The following DTHD1 variants were observed in gnomAD, a reference collection of about 807,000 sequenced individuals.
DTHD1 encodes the protein death domain containing 1.
Under a neutral mutation model 74.8 loss-of-function variants are expected in DTHD1, and 59 were observed. That is an observed-to-expected ratio of 0.79 (90% CI 0.64 to 0.98). The LOEUF (loss-of-function observed/expected upper bound fraction) is 0.98. Among genes scored for constraint, DTHD1 ranks in the 50% least tolerant of loss-of-function variants. The pLI, the probability that DTHD1 is intolerant of heterozygous loss-of-function variation, is 0.00. For synonymous variants in DTHD1, 365 were observed against 371.1 expected (o/e 0.98, Z 0.19); for missense variants, 1,051 against 1,065.4 (o/e 0.99, Z 0.19).
chr4:36,297,558 A>C (rs1339192706), intron 5 of DTHD1, among the ~76,000 whole-genome samples: 3 of 152,046 alleles, frequency 2.0e-5, no homozygotes, highest in Non-Finnish European at 2.9e-5. Context: ...TATTTTCTTG[A>C]GCCAACAAGC....
At chr4:36,315,232 T>C (rs754065410) in intron 7 of DTHD1, among the ~76,000 whole-genome samples, 1 of 152,144 alleles carries the variant, frequency 6.6e-6, no homozygotes, top group Non-Finnish European at 1.5e-5. Flanking sequence ...CCCCAGTAAG[T>C]GAAAGGTTAT....
chr4:36,283,564 C>T (rs1305782073), intron 1 of DTHD1, among the ~76,000 whole-genome samples: 2 of 152,132 alleles, frequency 1.3e-5, no homozygotes, highest in East Asian at 3.8e-4. Context: ...ATTTTCAGCC[C>T]AGCATTTTAA....
chr4:36,301,581 C>A (rs571472357), intron 5 of DTHD1, among the ~76,000 whole-genome samples: 1 of 152,250 alleles, frequency 6.6e-6, no homozygotes, highest in African/African-American at 2.4e-5. Flanking sequence ...TGTCTGTTTG[C>A]CCCATTAACA....
chr4:36,342,091 G>A (rs553973090), intron 9 of DTHD1, among the ~76,000 whole-genome samples: 4 of 152,296 alleles, frequency 2.6e-5, no homozygotes, highest in Admixed American at 6.5e-5. Context: ...AACTGGGGTC[G>A]GAGGTGTGAA....
Position 36,311,607 on chromosome 4 carries a change from ATCC to A in DTHD1, c.2095+3119_2095+3121del, listed in dbSNP as rs1578464099. ...TAATAGTTCTATTATACTTTTGCAGATCCTCCTTTTTTCATTTGTGGCCTTTGT... is the reference window on the plus strand; with the variant it reads ...TAATAGTTCTATTATACTTTTGCAGATCCTTTTTTCATTTGTGGCCTTTGT... On this transcript the variant is annotated intron_variant, in intron 7 of 9. Coordinates refer to ENST00000639862, the MANE Select transcript of DTHD1 (RefSeq NM_001170700.3). The A allele has an allele frequency of 2.6e-5, 4 of 151,994 alleles. No individual in the cohort carries two copies. The East Asian group carries it at 7.7e-4, about 29-fold the overall frequency. 9.4% of individuals were successfully genotyped at this position (151,994 alleles called of 1,614,324 possible).
At chr4:36,293,086 T>A (rs934406139) in intron 3 of DTHD1, among the ~76,000 whole-genome samples, 1 of 152,216 alleles carries the variant, frequency 6.6e-6, no homozygotes, top group Non-Finnish European at 1.5e-5. Context: ...GCACAGGTGT[T>A]ACAGTGTTTG....
chr4:36,343,663 T>C lies in DTHD1; in HGVS notation c.2560T>C (p.Phe854Leu), dbSNP rs1421304899. 4 of 1,551,844 alleles carry C rather than the reference T, an allele frequency of 2.6e-6. No individual in the cohort carries two copies. The highest frequency in any genetic ancestry group is 3.5e-6 in the Non-Finnish European group (4 of 1,146,968). ...LTEQIHEFLC[F>L]WKKSLPTFTD... is the part of the protein sequence containing the mutation. ...AGAACAGATCCACGAGTTTCTTTGC[T>C]TCTGGAAAAAATCGCTTCCAACTTT... Residue 854 changes from phenylalanine to leucine, a missense_variant, in exon 10 of 10, where the codon TTC becomes CTC. Physicochemically the swap from Phe to Leu is conservative, Grantham distance 22 (BLOSUM62 0). Transcript: ENST00000639862.
At chr4:36,294,484 A>G (rs1756269464) in intron 4 of DTHD1, among the ~76,000 whole-genome samples, 1 of 152,048 alleles carries the variant, frequency 6.6e-6, no homozygotes, top group Non-Finnish European at 1.5e-5. Flanking sequence ...TTCTAATTAG[A>G]AATCATTATA....
At chr4:36,288,189 C>T (rs377373994) in intron 2 of DTHD1, among the ~76,000 whole-genome samples, 1 of 152,198 alleles carries the variant, frequency 6.6e-6, no homozygotes, top group South Asian at 2.1e-4. Flanking sequence ...ACCTCCACCT[C>T]CCAGGTGCAA....
At chr4:36,336,118 C>T (rs1266121595) in intron 8 of DTHD1, among the ~76,000 whole-genome samples, 1 of 152,230 alleles carries the variant, frequency 6.6e-6, no homozygotes, top group Non-Finnish European at 1.5e-5. Context: ...ATAAGCCCCA[C>T]TATGCCCATT....
intron 1 of DTHD1, 194 bp from the exon 2 acceptor site, chr4:36,283,782 T>C: frequency 1.8e-6 from 1 of 568,894 alleles, no homozygotes; most frequent in Non-Finnish European, 3.1e-6. Flanking sequence ...AATGGTTTGT[T>C]GTCAATCCTA....
At chr4:36,317,560 A>G (rs1354716498) in intron 8 of DTHD1, among the ~76,000 whole-genome samples, 1 of 152,224 alleles carries the variant, frequency 6.6e-6, no homozygotes, top group African/African-American at 2.4e-5. Context: ...ATAAAAATTA[A>G]CTTCCTCTTT....
chr4:36,290,579 C>T lies in DTHD1; in HGVS notation c.1094C>T (p.Ala365Val). The T allele has an allele frequency of 6.4e-7, 1 of 1,551,446 alleles. No homozygotes were observed. Among genetic ancestry groups the T allele is most frequent in the African/African-American group, 1.4e-5 (1 of 73,152 alleles). The change falls in exon 3 of 10, where the codon GCA (alanine) becomes GTA (valine). Residue 365 changes from alanine to valine, a missense_variant. By Grantham distance (64) the Ala-to-Val change is moderately conservative. Transcript: ENST00000639862. Reference protein sequence around the residue: ...EKRVPFPIGIAIPFTARYRGN... With the variant: ...EKRVPFPIGIVIPFTARYRGN... ...AGAGTTCCATTTCCAATAGGCATTG[C>T]AATTCCATTTACTGCACGTTACAGA...
intron 8 of DTHD1, among the ~76,000 whole-genome samples, chr4:36,335,248 T>G (rs1168256409): frequency 6.6e-6 from 1 of 151,716 alleles, no homozygotes; most frequent in East Asian, 1.9e-4. Flanking sequence ...TGAGGGGGGG[T>G]GCTCTCATTC....
intron 3 of DTHD1, 35 bp from the exon 4 acceptor site, chr4:36,293,491 C>T: frequency 6.9e-7 from 1 of 1,453,066 alleles, no homozygotes; most frequent in South Asian, 1.5e-5. Flanking sequence ...CAAATCAGTG[C>T]TATAGCTTAT....
intron 9 of DTHD1, among the ~76,000 whole-genome samples, chr4:36,342,541 C>T (rs2109585169): frequency 6.6e-6 from 1 of 152,076 alleles, no homozygotes; most frequent in South Asian, 2.1e-4. Flanking sequence ...CAGTAACAAC[C>T]ATAACAACAG....
chr4:36,339,273 C>A, intron 9 of DTHD1, 104 bp downstream of exon 9: 1 of 748,846 alleles, frequency 1.3e-6, no homozygotes, highest in South Asian at 2.6e-5. Flanking sequence ...AGTGACTTTC[C>A]AATCAAACAA....
intron 7 of DTHD1, among the ~76,000 whole-genome samples, chr4:36,312,036 C>T (rs1259552823): frequency 6.6e-6 from 1 of 152,102 alleles, no homozygotes; most frequent in Non-Finnish European, 1.5e-5. Flanking sequence ...TGGATAGGTG[C>T]GTCCTTTGGT....
chr4:36,331,950 G>A (rs1758705274), intron 8 of DTHD1, among the ~76,000 whole-genome samples: 1 of 152,122 alleles, frequency 6.6e-6, no homozygotes, highest in African/African-American at 2.4e-5. Flanking sequence ...TGTTTCGGTT[G>A]CCCTTGAAAT....
Sources: allele counts gnomAD v4.1 joint callset (sites outside exome capture counted in the v4.1 genomes callset), GRCh38; gene constraint gnomAD v4.1.1; transcripts MANE v1.5; gene names NCBI Gene and HGNC (gene_info 2026-07-23, HGNC 2026-07-21).